The following ECT2L variants were observed in gnomAD, a reference collection of about 807,000 sequenced individuals.
ECT2L encodes the protein epithelial cell-transforming sequence 2 oncogene-like.
Under a neutral mutation model 122.8 loss-of-function variants are expected in ECT2L, and 126 were observed. The ratio of observed to expected loss-of-function variants is 1.03; its 90% CI spans 0.89 to 1.19. The LOEUF (loss-of-function observed/expected upper bound fraction) is 1.19. Ranked by LOEUF, ECT2L falls within the 50% of genes most tolerant of loss-of-function variation. The pLI, the probability that ECT2L is intolerant of heterozygous loss-of-function variation, is 0.00. For synonymous variants in ECT2L, 385 were observed against 381.8 expected (o/e 1.01, Z -0.10); for missense variants, 1,012 against 1,064.1 (o/e 0.95, Z 0.68).
At chr6:138,815,355 G>A (rs370310428) in intron 4 of ECT2L, among the ~76,000 whole-genome samples, 7 of 152,306 alleles carry the variant, frequency 4.6e-5, no homozygotes, top group East Asian at 1.9e-4. Flanking sequence ...ATTCTCTTTC[G>A]TGAAATTCAA....
chr6:138,867,317 T>G (rs924081033), intron 12 of ECT2L, among the ~76,000 whole-genome samples: 1 of 152,180 alleles, frequency 6.6e-6, no homozygotes, highest in African/African-American at 2.4e-5. Context: ...TATTTTATCA[T>G]AGTAGAAATC....
At chr6:138,812,130 GT>G (rs1554268251) in intron 1 of ECT2L, among the ~76,000 whole-genome samples, 1 of 152,208 alleles carries the variant, frequency 6.6e-6, no homozygotes, top group Non-Finnish European at 1.5e-5. Context: ...GAAAGTCCAC[GT>G]GAGGACACAG....
At chr6:138,806,571 G>A (rs1326334233) in intron 1 of ECT2L, among the ~76,000 whole-genome samples, 1 of 137,154 alleles carries the variant, frequency 7.3e-6, no homozygotes, top group Non-Finnish European at 1.5e-5. Context: ...GGAGTGCAGT[G>A]GTGAAATCTC....
chr6:138,826,865 C>G (rs1162579865), intron 4 of ECT2L, among the ~76,000 whole-genome samples: 3 of 151,958 alleles, frequency 2.0e-5, no homozygotes, highest in Non-Finnish European at 4.4e-5. Flanking sequence ...TGTGTGGCAC[C>G]TCCACCCATC....
intron 4 of ECT2L, 59 bp downstream of exon 4, chr6:138,814,662 G>A: frequency 1.9e-6 from 2 of 1,033,464 alleles, no homozygotes; most frequent in Non-Finnish European, 2.9e-6. Flanking sequence ...GTATATAAAT[G>A]TTTATATAAC....
rs57786220 is a variant in ECT2L, at chr6:138,806,511, C to CTTTTTTTTTTT, written c.-243-6318_-243-6308dup. Among the ~76,000 whole-genome samples the CTTTTTTTTTTT allele has an allele frequency of 2.7e-3, 238 of 89,652 alleles. 16 individuals carry two copies. The highest frequency in any genetic ancestry group is 3.4e-3 in the African/African-American group (73 of 21,400). The allele number at this position is 89,652 out of a possible 152,430, so 58.8% of individuals were successfully genotyped here. On this transcript the variant is annotated intron_variant, in intron 1 of 21. Transcript: ENST00000541398. ...TCCCCTGTGCAGCTGAAAATTCACG[C>CTTTTTTTTTTT]TTTTTTTTTTTTTTTTTTTGAGATG... is the stretch of plus-strand genomic sequence containing the variant.
rs945152488 is a variant in ECT2L at position 138,880,937 on chromosome 6, T to G, written c.1666-20T>G. The G allele has an allele frequency of 1.1e-5, 17 of 1,608,144 alleles. No homozygotes were observed. The Admixed American group carries it at 2.8e-4, about 27-fold the overall frequency. On this transcript the variant is annotated intron_variant, in intron 14 of 21. Coordinates refer to ENST00000541398, the MANE Select transcript of ECT2L (RefSeq NM_001077706.3). Reference sequence around the variant, plus strand: ...TCTACTTCTCCATCACTGACTTGAGTTCTTAACACTTCTCTACAGGAGAGA... The same window carrying G: ...TCTACTTCTCCATCACTGACTTGAGGTCTTAACACTTCTCTACAGGAGAGA...
Position 138,886,924 on chromosome 6 carries a change from T to C in ECT2L, c.2325+2T>C, listed in dbSNP as rs1778844184. ...CAGAGAATCATCTGGGGATGCCCTG[T>C]ATGTATTCTTAGGAACTTGCTGTAT... On this transcript the variant is annotated splice_donor_variant, in intron 19 of 21. Transcript: ENST00000541398. LOFTEE classifies it high-confidence loss of function. The C allele has an allele frequency of 1.2e-6, 2 of 1,610,666 alleles. No homozygotes were observed. The highest frequency in any genetic ancestry group is 1.1e-5 in the South Asian group (1 of 90,666).
At chr6:138,839,139 T>C (rs1776952792) in intron 5 of ECT2L, among the ~76,000 whole-genome samples, 1 of 152,208 alleles carries the variant, frequency 6.6e-6, no homozygotes, top group African/African-American at 2.4e-5. Context: ...ATATTATCTC[T>C]GATAACTCAG....
At chr6:138,833,228 CAT>C (rs1448325722) in intron 4 of ECT2L, among the ~76,000 whole-genome samples, 1 of 152,162 alleles carries the variant, frequency 6.6e-6, no homozygotes. Context: ...AACCATATCA[CAT>C]AGATTCCCCT....
intron 4 of ECT2L, among the ~76,000 whole-genome samples, chr6:138,821,662 G>A (rs1776272428): frequency 1.3e-5 from 2 of 152,218 alleles, no homozygotes; most frequent in Admixed American, 1.3e-4. Context: ...ACAAAAGCTA[G>A]TTTCTTCATT....
At chr6:138,847,590 G>C (rs1436442870) in intron 8 of ECT2L, among the ~76,000 whole-genome samples, 2 of 149,162 alleles carry the variant, frequency 1.3e-5, no homozygotes, top group Non-Finnish European at 3.0e-5. Flanking sequence ...TGTTAGCCAG[G>C]ATGGTCTCGA....
chr6:138,853,597 A>G (rs1777520194), intron 9 of ECT2L, among the ~76,000 whole-genome samples: 1 of 152,154 alleles, frequency 6.6e-6, no homozygotes, highest in Admixed American at 6.5e-5. Flanking sequence ...GAAGTGAGAG[A>G]AAAGGAGAGT....
intron 12 of ECT2L, among the ~76,000 whole-genome samples, chr6:138,866,855 T>A (rs1204978926): frequency 2.0e-5 from 3 of 152,132 alleles, no homozygotes; most frequent in Non-Finnish European, 2.9e-5. Context: ...GGTGGATTGC[T>A]TGAGCTCAGG....
At chr6:138,872,440 A>G (rs1347265298) in intron 13 of ECT2L, among the ~76,000 whole-genome samples, 1 of 152,194 alleles carries the variant, frequency 6.6e-6, no homozygotes, top group Non-Finnish European at 1.5e-5. Flanking sequence ...CTGTTAACAG[A>G]ACGCACGGGC....
chr6:138,885,022 C>CTT (rs34579502), intron 16 of ECT2L, among the ~76,000 whole-genome samples: 1,154 of 78,878 alleles, frequency 0.015, 4 homozygotes, highest in East Asian at 0.028. Context: ...AACACACATT[C>CTT]TTTTTTTTTT....
chr6:138,861,315 CA>C (rs1777822923), intron 10 of ECT2L, among the ~76,000 whole-genome samples: 1 of 152,172 alleles, frequency 6.6e-6, no homozygotes. Context: ...CTGTCTTCCA[CA>C]ATGGTTGAAC....
intron 4 of ECT2L, among the ~76,000 whole-genome samples, chr6:138,817,442 GA>G: frequency 6.6e-6 from 1 of 152,278 alleles, no homozygotes; most frequent in South Asian, 2.1e-4. Context: ...TTGAATACTT[GA>G]AATGTTTATA....
chr6:138,865,200 G>A (rs1777989507), intron 12 of ECT2L, 22 bp downstream of exon 12: 2 of 1,572,006 alleles, frequency 1.3e-6, no homozygotes, highest in African/African-American at 2.7e-5. Context: ...TGCTACTTCT[G>A]TTGCAGGTTA....
Sources: allele counts gnomAD v4.1 joint callset (sites outside exome capture counted in the v4.1 genomes callset), GRCh38; gene constraint gnomAD v4.1.1; transcripts MANE v1.5; gene names NCBI Gene and HGNC (gene_info 2026-07-23, HGNC 2026-07-21).